Variants in CACNG2 observed in about 807,000 individuals in gnomAD.
The protein encoded by CACNG2 is voltage-dependent calcium channel gamma-2 subunit.
CACNG2 carries 3 observed loss-of-function variants against 25.9 expected under a neutral mutation model. The ratio of observed to expected loss-of-function variants is 0.12; its 90% CI spans 0.05 to 0.30. CACNG2 has a LOEUF of 0.30. CACNG2 is among the 10% of genes least tolerant of loss of function. CACNG2 has a pLI of 1.00. For missense variants in CACNG2, 341 were observed against 432.5 expected (o/e 0.79, Z 1.88); for synonymous variants, 167 against 173.3 (o/e 0.96, Z 0.29).
intron 1 of CACNG2, among the ~76,000 whole-genome samples, chr22:36,649,169 C>T (rs532017940): frequency 1.1e-4 from 16 of 152,340 alleles, no homozygotes; most frequent in African/African-American, 3.1e-4. Flanking sequence ...CAATCTCCCC[C>T]GGCCTCAATC....
chr22:36,641,181 C>T (rs904170790), intron 1 of CACNG2, among the ~76,000 whole-genome samples: 3 of 152,150 alleles, frequency 2.0e-5, no homozygotes, highest in Non-Finnish European at 2.9e-5. Context: ...TTCTGCAGAG[C>T]ACTTGTCACC....
intron 1 of CACNG2, among the ~76,000 whole-genome samples, chr22:36,632,238 CAT>C (rs1936283453): frequency 1.3e-5 from 2 of 151,828 alleles, no homozygotes; most frequent in Non-Finnish European, 2.9e-5. Flanking sequence ...CTCTCGAAGA[CAT>C]AGGCTGCTCT....
chr22:36,661,997 T>C lies in CACNG2; in HGVS notation c.211+40369A>G, dbSNP rs951192901. 8.5e-3 allele frequency among the ~76,000 whole-genome samples: 955 copies of C among 112,688 alleles called. 15 individuals are homozygous for C. The highest frequency in any genetic ancestry group is 0.038 in the African/African-American group (923 of 24,388). 73.9% of individuals were successfully genotyped at this position (112,688 alleles called of 152,430 possible). A position where few individuals can be genotyped will look rare whatever the true frequency, so the allele number is the denominator to read the frequency against. Reference sequence around the variant, plus strand: ...TTTTTTTTTTTTTTTTTTTTTTTTTTCAGACGGAGTCTCCCTCTGTCACCC... The same window carrying C: ...TTTTTTTTTTTTTTTTTTTTTTTTTCCAGACGGAGTCTCCCTCTGTCACCC... On this transcript the variant is annotated intron_variant, in intron 1 of 3. Coordinates refer to ENST00000300105, the MANE Select transcript of CACNG2 (RefSeq NM_006078.5).
chr22:36,698,409 C>T (rs756734783), intron 1 of CACNG2, among the ~76,000 whole-genome samples: 25 of 152,190 alleles, frequency 1.6e-4, no homozygotes, highest in Admixed American at 1.3e-4. Context: ...ATTCAGCCCA[C>T]CCATGCTAGA....
chr22:36,631,087 C>T (rs1196878310), intron 1 of CACNG2, among the ~76,000 whole-genome samples: 1 of 152,162 alleles, frequency 6.6e-6, no homozygotes, highest in Non-Finnish European at 1.5e-5. Flanking sequence ...CCTCGGCCTC[C>T]CAAAGTGCTT....
rs545970702 is a variant in CACNG2 at position 36,692,374 on chromosome 22, G to T, written c.211+9992C>A. Reference sequence around the variant, plus strand: ...GGCACTCCGCAAAGGCAAACCCAGGGTTGCTAAGTCAGTGCCTCTGGGCCC... The same window carrying T: ...GGCACTCCGCAAAGGCAAACCCAGGTTTGCTAAGTCAGTGCCTCTGGGCCC... On this transcript the variant is annotated intron_variant, in intron 1 of 3. Transcript: ENST00000300105. Among the ~76,000 whole-genome samples the T allele has an allele frequency of 3.0e-4, 45 of 152,302 alleles. 1 individual carries two copies. Among genetic ancestry groups the T allele is most frequent in the Admixed American group, 6.5e-5 (1 of 15,306 alleles).
At position 36,648,534 on chromosome 22, in the gene CACNG2, C is replaced by T. The variant is rs577237567; in HGVS notation, c.211+53832G>A. On this transcript the variant is annotated intron_variant, in intron 1 of 3. Transcript: ENST00000300105. ...CACTCAGAATGCCCAGACAAGTCTA[C>T]ACTGGGAACATGTGAGGTTCTCTCT... Among the ~76,000 whole-genome samples the T allele has an allele frequency of 2.0e-5, 3 of 152,306 alleles. No individual in the cohort carries two copies. The East Asian group carries it at 5.8e-4, about 29-fold the overall frequency.
Position 36,675,566 on chromosome 22 carries a change from G to T in CACNG2, c.211+26800C>A, listed in dbSNP as rs6000382. Reference sequence around the variant, plus strand: ...AGTCTCATATGGGTAACGATCCTGGGAACTATGTCCCATTCAACAGCCACA... The same window carrying T: ...AGTCTCATATGGGTAACGATCCTGGTAACTATGTCCCATTCAACAGCCACA... On this transcript the variant is annotated intron_variant, in intron 1 of 3. Coordinates refer to ENST00000300105, the MANE Select transcript of CACNG2 (RefSeq NM_006078.5). Among the ~76,000 whole-genome samples the T allele has an allele frequency of 6.0e-3, 915 of 152,314 alleles. 8 individuals carry two copies. Among genetic ancestry groups the T allele is most frequent in the African/African-American group, 0.021 (874 of 41,552 alleles).
intron 1 of CACNG2, among the ~76,000 whole-genome samples, chr22:36,598,087 G>T (rs746567206): frequency 6.6e-6 from 1 of 152,214 alleles, no homozygotes; most frequent in Non-Finnish European, 1.5e-5. Flanking sequence ...CTTCACTGCA[G>T]TGTGTCTCTT....
chr22:36,658,559 A>G (rs1227903150), intron 1 of CACNG2, among the ~76,000 whole-genome samples: 1 of 152,212 alleles, frequency 6.6e-6, no homozygotes, highest in Non-Finnish European at 1.5e-5. Context: ...CAGGGCTTCT[A>G]AGTGTTGGGG....
rs140598703 is a variant in CACNG2 at position 36,666,594 on chromosome 22, C to T, written c.211+35772G>A. On this transcript the variant is annotated intron_variant, in intron 1 of 3. Coordinates refer to ENST00000300105, the MANE Select transcript of CACNG2 (RefSeq NM_006078.5). Reference sequence around the variant, plus strand: ...TACAAGATGAAAAGAGTTCTGCAAACGGGTGGTGGTGATGGTTGCACATGA... The same window carrying T: ...TACAAGATGAAAAGAGTTCTGCAAATGGGTGGTGGTGATGGTTGCACATGA... Among the ~76,000 whole-genome samples, 7 of 151,854 alleles carry T rather than the reference C, an allele frequency of 4.6e-5. No individual in the cohort carries two copies. In the East Asian group the frequency reaches 5.8e-4, roughly 13 times the overall value.
At chr22:36,653,487 G>A (rs73415657) in intron 1 of CACNG2, among the ~76,000 whole-genome samples, 3,498 of 152,296 alleles carry the variant, frequency 0.023, 138 homozygotes, top group African/African-American at 0.08. Flanking sequence ...GGGGCTGCCC[G>A]GGCTGGGGCC....
chr22:36,670,712 A>G (rs1393529490), intron 1 of CACNG2, among the ~76,000 whole-genome samples: 1 of 151,658 alleles, frequency 6.6e-6, no homozygotes, highest in African/African-American at 2.4e-5. Flanking sequence ...GCTGACTGCA[A>G]TCTCAACCTC....
chr22:36,642,266 T>A (rs536456876), intron 1 of CACNG2, among the ~76,000 whole-genome samples: 3 of 152,310 alleles, frequency 2.0e-5, no homozygotes, highest in Non-Finnish European at 4.4e-5. Flanking sequence ...AAGCACTCAA[T>A]AAATGCTAGT....
intron 1 of CACNG2, among the ~76,000 whole-genome samples, chr22:36,661,180 C>T (rs916118743): frequency 6.6e-6 from 1 of 152,168 alleles, no homozygotes; most frequent in Non-Finnish European, 1.5e-5. Context: ...TAGAGGAGTC[C>T]GGAAGTGGAA....
chr22:36,650,315 C>T (rs1367532633), intron 1 of CACNG2, among the ~76,000 whole-genome samples: 3 of 151,986 alleles, frequency 2.0e-5, no homozygotes, highest in Admixed American at 2.0e-4. Context: ...GTCTCATTAT[C>T]TACTCCTTTC....
chr22:36,695,823 T>C (rs1937332082), intron 1 of CACNG2, among the ~76,000 whole-genome samples: 1 of 152,158 alleles, frequency 6.6e-6, no homozygotes, highest in Non-Finnish European at 1.5e-5. Flanking sequence ...ACAAGGGCAG[T>C]GACCCTGAAG....
At chr22:36,586,131 T>C (rs1935499061) in intron 2 of CACNG2, among the ~76,000 whole-genome samples, 1 of 152,216 alleles carries the variant, frequency 6.6e-6, no homozygotes, top group African/African-American at 2.4e-5. Flanking sequence ...TCTCCCAAGT[T>C]GAGCTGTTTT....
chr22:36,675,666 G>C (rs558070212), intron 1 of CACNG2, among the ~76,000 whole-genome samples: 1 of 152,218 alleles, frequency 6.6e-6, no homozygotes, highest in Non-Finnish European at 1.5e-5. Context: ...GCAGTGTCAG[G>C]GCACTGGAGG....
Sources: allele counts gnomAD v4.1 joint callset (sites outside exome capture counted in the v4.1 genomes callset), GRCh38; gene constraint gnomAD v4.1.1; transcripts MANE v1.5; gene names NCBI Gene and HGNC (gene_info 2026-07-23, HGNC 2026-07-21).